Variants in TNPO1 observed in about 807,000 individuals in gnomAD.
TNPO1 encodes the protein transportin 1, also known as transportin-1.
TNPO1 carries 8 observed loss-of-function variants against 119.5 expected under a neutral mutation model. The ratio of observed to expected loss-of-function variants is 0.07; its 90% CI spans 0.04 to 0.12. The LOEUF (loss-of-function observed/expected upper bound fraction) is 0.12, where lower values mean the gene tolerates loss of function less well. Ranked by LOEUF, TNPO1 falls within the 10% of genes least tolerant of loss-of-function variation. The pLI is 1.00. For synonymous variants in TNPO1, 362 were observed against 363.0 expected, an observed-to-expected ratio of 1.00 and a Z score of 0.03; for missense variants, 576 against 1,089.8, an observed-to-expected ratio of 0.53 and a Z score of 6.64.
At chr5:72,861,995 T>C in intron 5 of TNPO1, 81 bp downstream of exon 5, 4 of 1,009,002 alleles carry the variant, frequency 4.0e-6, no homozygotes, top group Non-Finnish European at 6.1e-6. Context: ...TTGGGAAAAA[T>C]AGTTCCTCTG....
rs1223645683 is a variant in TNPO1 at position 72,911,468 on chromosome 5, T to C, written c.*2795T>C. 1.3e-5 allele frequency: 2 copies of C among 152,548 alleles called. No individual in the cohort carries two copies. The highest frequency in any genetic ancestry group is 2.9e-5 in the Non-Finnish European group (2 of 67,940). The allele number at this position is 152,548 out of a possible 1,614,324, so 9.4% of individuals were successfully genotyped here. ...CTTCCTAATTTATATTTCAGATACA[T>C]AGTGTAGAACAGGAATTTGCAGAAG... On this transcript the variant is annotated 3_prime_UTR_variant, in exon 25 of 25. Coordinates refer to ENST00000337273, the MANE Select transcript of TNPO1 (RefSeq NM_002270.4).
intron 4 of TNPO1, among the ~76,000 whole-genome samples, chr5:72,860,834 C>T (rs1203854381): frequency 3.3e-5 from 5 of 152,078 alleles, no homozygotes; most frequent in Non-Finnish European, 5.9e-5. Context: ...CTAACAGACT[C>T]ATAAGTTTAT....
chr5:72,889,067 T>A (rs1284921895), intron 13 of TNPO1, among the ~76,000 whole-genome samples: 1 of 152,236 alleles, frequency 6.6e-6, no homozygotes, highest in Non-Finnish European at 1.5e-5. Context: ...AATTTTATTT[T>A]ATTTTTTTTA....
chr5:72,901,119 T>G (rs1471731656), intron 22 of TNPO1, 46 bp downstream of exon 22: 1 of 1,292,238 alleles, frequency 7.7e-7, no homozygotes, highest in Non-Finnish European at 1.1e-6. Flanking sequence ...ATTAATAAAA[T>G]TTTAAAGGAA....
chr5:72,829,897 G>C (rs1467567855), intron 1 of TNPO1, among the ~76,000 whole-genome samples: 1 of 152,056 alleles, frequency 6.6e-6, no homozygotes, highest in African/African-American at 2.4e-5. Flanking sequence ...AGTTACCCTG[G>C]GCTGTTAGCT....
intron 22 of TNPO1, among the ~76,000 whole-genome samples, chr5:72,901,743 G>A (rs1749809925): frequency 6.6e-6 from 1 of 152,184 alleles, no homozygotes; most frequent in South Asian, 2.1e-4. Flanking sequence ...TAAATACCTG[G>A]ATTCTTCAGC....
chr5:72,848,399 G>A lies in TNPO1; in HGVS notation c.30G>A (p.Glu10=), dbSNP rs1017209069. The A allele has an allele frequency of 3.7e-6, 6 of 1,611,482 alleles. No individual in the cohort carries two copies. The highest frequency in any genetic ancestry group is 1.7e-5 in the Admixed American group (1 of 59,762). Residue 10 remains glutamate, a synonymous_variant, in exon 2 of 25, where the codon GAG becomes GAA. Transcript: ENST00000337273. ...TTTATTTGCAGCAAACCAAGATGGA[G>A]TATGAGTGGAAACCTGACGAGCAAG... is the stretch of plus-strand genomic sequence containing the variant. MVWDRQTKM[E]YEWKPDEQGL... is the part of the protein sequence containing the mutation.
chr5:72,849,118 C>T (rs755046393), intron 2 of TNPO1, among the ~76,000 whole-genome samples: 13 of 152,322 alleles, frequency 8.5e-5, no homozygotes, highest in Non-Finnish European at 1.8e-4. Context: ...CTGGTGTTAA[C>T]ACCTGTTGCG....
chr5:72,887,322 A>G lies in TNPO1; in HGVS notation c.1303+100A>G, dbSNP rs1748724629. On this transcript the variant is annotated intron_variant, in intron 12 of 24. Coordinates refer to ENST00000337273, the MANE Select transcript of TNPO1 (RefSeq NM_002270.4). ...TTAAGGAATTTCTATTTTGAACCAG[A>G]TAACTAGTATTAAACAGCCATAGGC... The G allele has an allele frequency of 6.0e-6, 8 of 1,327,104 alleles. 1 individual carries two copies. The Admixed American group carries it at 1.3e-4, about 22-fold the overall frequency. 82.2% of individuals were successfully genotyped at this position (1,327,104 alleles called of 1,614,324 possible).
intron 23 of TNPO1, among the ~76,000 whole-genome samples, chr5:72,904,063 T>C (rs1193971907): frequency 6.6e-6 from 1 of 152,182 alleles, no homozygotes; most frequent in Non-Finnish European, 1.5e-5. Flanking sequence ...TAGTATATGT[T>C]TTTCAAGATG....
At chr5:72,880,722 A>G (rs780127080) in intron 9 of TNPO1, among the ~76,000 whole-genome samples, 6 of 150,416 alleles carry the variant, frequency 4.0e-5, no homozygotes, top group Admixed American at 6.7e-5. Context: ...TGGCTGAGGC[A>G]GGAGAATAGC....
intron 3 of TNPO1, among the ~76,000 whole-genome samples, chr5:72,852,935 C>T (rs571885279): frequency 1.3e-4 from 20 of 152,152 alleles, no homozygotes; most frequent in Admixed American, 5.2e-4. Context: ...TTGTGATCAA[C>T]CTGTTTGTTT....
At chr5:72,844,952 C>T (rs1393856865) in intron 1 of TNPO1, among the ~76,000 whole-genome samples, 1 of 152,134 alleles carries the variant, frequency 6.6e-6, no homozygotes, top group Non-Finnish European at 1.5e-5. Flanking sequence ...CATGAGTAAG[C>T]TCTAGTCTTC....
At chr5:72,853,019 C>CA (rs1745700816) in intron 3 of TNPO1, among the ~76,000 whole-genome samples, 1 of 152,126 alleles carries the variant, frequency 6.6e-6, no homozygotes, top group Non-Finnish European at 1.5e-5. Context: ...TTTATTTTCA[C>CA]TAAGCTGTCC....
At position 72,913,520 on chromosome 5, in the gene TNPO1, A is replaced by G. The variant is rs1750696287; in HGVS notation, c.*4847A>G. On this transcript the variant is annotated 3_prime_UTR_variant, in exon 25 of 25. Transcript: ENST00000337273. ...ATGGTGATTTTTTTTCACCTCTTGT[A>G]CATTTTAAAACCAGGCCAAATCTAT... 1 of 152,454 alleles carries G rather than the reference A, an allele frequency of 6.6e-6. No individual in the cohort carries two copies. The highest frequency in any genetic ancestry group is 2.4e-5 in the African/African-American group (1 of 41,428). 9.4% of individuals were successfully genotyped at this position (152,454 alleles called of 1,614,324 possible).
chr5:72,849,960 G>A (rs1476052308), intron 2 of TNPO1, among the ~76,000 whole-genome samples: 1 of 152,110 alleles, frequency 6.6e-6, no homozygotes, highest in East Asian at 1.9e-4. Context: ...ACATTTATTA[G>A]GTACCTCATA....
At chr5:72,847,805 TTATA>T (rs1204158671) in intron 1 of TNPO1, among the ~76,000 whole-genome samples, 12 of 152,238 alleles carry the variant, frequency 7.9e-5, no homozygotes, top group Non-Finnish European at 1.2e-4. Flanking sequence ...TTTTAGTGCC[TTATA>T]TATCAAATTG....
At chr5:72,831,606 T>C (rs576920363) in intron 1 of TNPO1, among the ~76,000 whole-genome samples, 35 of 152,130 alleles carry the variant, frequency 2.3e-4, no homozygotes, top group Non-Finnish European at 4.0e-4. Context: ...ATAGAATATG[T>C]AATAACTCCT....
chr5:72,904,792 T>C (rs967376865), intron 23 of TNPO1, among the ~76,000 whole-genome samples: 3 of 152,142 alleles, frequency 2.0e-5, no homozygotes, highest in Non-Finnish European at 4.4e-5. Context: ...AGTGAAACTC[T>C]GTCCCCGCCA....
Sources: allele counts gnomAD v4.1 joint callset (sites outside exome capture counted in the v4.1 genomes callset), GRCh38; gene constraint gnomAD v4.1.1; transcripts MANE v1.5; gene names NCBI Gene and HGNC (gene_info 2026-07-23, HGNC 2026-07-21).